ITGB3: variants seen among roughly 807,000 people sequenced by gnomAD.
ITGB3 encodes integrin subunit beta 3, also known as integrin beta-3.
A neutral mutation model predicts 85.8 loss-of-function variants in ITGB3; 48 were observed. The ratio of observed to expected loss-of-function variants is 0.56; its 90% CI spans 0.44 to 0.71. The LOEUF (loss-of-function observed/expected upper bound fraction) is 0.71, where lower values mean the gene tolerates loss of function less well. ITGB3 is among the 30% of genes least tolerant of loss of function. The pLI, the probability that ITGB3 is intolerant of heterozygous loss-of-function variation, is 0.00. For synonymous variants in ITGB3, 363 were observed against 395.6 expected (o/e 0.92, Z 0.98); for missense variants, 861 against 1,019.1 (o/e 0.84, Z 2.11).
At chr17:47,290,925 C>A (rs2143108930) in intron 8 of ITGB3, 29 bp from the exon 9 acceptor site, 1 of 1,613,754 alleles carries the variant, frequency 6.2e-7, no homozygotes, top group Non-Finnish European at 8.5e-7. Context: ...AGTTCAATTT[C>A]TTGTCTTCTT....
intron 14 of ITGB3, among the ~76,000 whole-genome samples, chr17:47,309,744 AAT>A (rs1479619130): frequency 3.3e-5 from 5 of 151,658 alleles, no homozygotes; most frequent in African/African-American, 1.2e-4. Context: ...AAAATGCAAA[AAT>A]TAGCCAGACA....
intron 10 of ITGB3, among the ~76,000 whole-genome samples, chr17:47,293,525 T>G (rs949644382): frequency 1.3e-5 from 2 of 152,192 alleles, no homozygotes; most frequent in Non-Finnish European, 2.9e-5. Context: ...GGGACTGGGT[T>G]ACGGGTGTAT....
intron 9 of ITGB3, chr17:47,291,404 T>A (rs1023397164): frequency 7.2e-6 from 4 of 554,944 alleles, no homozygotes; most frequent in Non-Finnish European, 3.2e-6. Context: ...CTTCAGTCCC[T>A]CACCAGTCGC....
At chr17:47,310,033 C>T (rs1420300325) in intron 14 of ITGB3, 106 bp from the exon 15 acceptor site, 2 of 892,504 alleles carry the variant, frequency 2.2e-6, no homozygotes, top group East Asian at 4.9e-5. Flanking sequence ...ATGATGTATT[C>T]CAGAGAACGG....
At chr17:47,266,965 C>T (rs2065027795) in intron 1 of ITGB3, among the ~76,000 whole-genome samples, 1 of 152,148 alleles carries the variant, frequency 6.6e-6, no homozygotes, top group Non-Finnish European at 1.5e-5. Flanking sequence ...CTCCACGCTC[C>T]CACGACTCCT....
At chr17:47,259,908 GAACAA>G (rs1305774348) in intron 1 of ITGB3, among the ~76,000 whole-genome samples, 1 of 152,074 alleles carries the variant, frequency 6.6e-6, no homozygotes, top group Non-Finnish European at 1.5e-5. Flanking sequence ...TCAAAAAACA[GAACAA>G]AACAAAACAA....
rs756371361 is a variant in ITGB3 at position 47,288,232 on chromosome 17, GAGAGAGAGAA to G, written c.939+1006_939+1015del. The stretch of plus-strand genomic sequence containing the variant: ...AGAGAGAGAGAGAGAGAGAGAGAGA[GAGAGAGAGAA>G]AGAGGGGAAAGAACATAAAAGGCAT... On this transcript the variant is annotated intron_variant, in intron 6 of 14. Transcript: ENST00000559488. Among the ~76,000 whole-genome samples the G allele has an allele frequency of 7.7e-3, 681 of 88,644 alleles. 6 individuals are homozygous for G. Among genetic ancestry groups the G allele is most frequent in the African/African-American group, 0.021 (538 of 25,300 alleles). The allele number at this position is 88,644 out of a possible 152,430, so 58.2% of individuals were successfully genotyped here.
chr17:47,312,164 G>A lies in ITGB3; in HGVS notation c.*1960G>A, dbSNP rs762687226. Reference sequence around the variant, plus strand: ...TTTTCCAACATTTGTTAATAGTTACGTCTCTCCTGATGTAGCACTTAAGCT... The same window carrying A: ...TTTTCCAACATTTGTTAATAGTTACATCTCTCCTGATGTAGCACTTAAGCT... On this transcript the variant is annotated 3_prime_UTR_variant, in exon 15 of 15. Coordinates refer to ENST00000559488, the MANE Select transcript of ITGB3 (RefSeq NM_000212.3). 2.9e-4 allele frequency among the ~76,000 whole-genome samples: 44 copies of A among 152,100 alleles called. No homozygotes were observed. Among genetic ancestry groups the A allele is most frequent in the African/African-American group, 4.1e-4 (17 of 41,404 alleles).
chr17:47,310,796 G>A lies in ITGB3; in HGVS notation c.*592G>A. On this transcript the variant is annotated 3_prime_UTR_variant, in exon 15 of 15. Coordinates refer to ENST00000559488, the MANE Select transcript of ITGB3 (RefSeq NM_000212.3). ...AGTCAGGGAGAGCTGAACTATTAGA[G>A]CTGCCTGTGCCTTTTGCCATCCCCT... 1 of 176,270 alleles carries A rather than the reference G, an allele frequency of 5.7e-6. No homozygotes were observed. Among genetic ancestry groups the A allele is most frequent in the South Asian group, 1.4e-4 (1 of 7,284 alleles). 10.9% of individuals were successfully genotyped at this position (176,270 alleles called of 1,614,324 possible).
intron 2 of ITGB3, among the ~76,000 whole-genome samples, chr17:47,276,858 G>A (rs945797218): frequency 2.6e-5 from 4 of 152,184 alleles, no homozygotes; most frequent in Non-Finnish European, 4.4e-5. Flanking sequence ...GAACTGGCTG[G>A]TCCATTTTTT....
chr17:47,263,124 TTA>T lies in ITGB3; in HGVS notation c.79+9185_79+9186del, dbSNP rs572602913. Among the ~76,000 whole-genome samples, 259 of 152,250 alleles carry T rather than the reference TTA, an allele frequency of 1.7e-3. 2 individuals are homozygous for T. The highest frequency in any genetic ancestry group is 5.9e-3 in the African/African-American group (246 of 41,546). ...GGCCAGAGGAAGGGCAAAGATGGCT[TTA>T]GACGTGAGGTTTCCTGCTGCTTTGC... On this transcript the variant is annotated intron_variant, in intron 1 of 14. Coordinates refer to ENST00000559488, the MANE Select transcript of ITGB3 (RefSeq NM_000212.3).
chr17:47,313,135 G>A lies in ITGB3; in HGVS notation c.*2931G>A, dbSNP rs1302268225. On this transcript the variant is annotated 3_prime_UTR_variant, in exon 15 of 15. Transcript: ENST00000559488. ...ATTACAGGCACCCGCCACCACACCC[G>A]GCTAATTTTTGTATTTTTAGTAGAG... 3.3e-5 allele frequency among the ~76,000 whole-genome samples: 5 copies of A among 151,600 alleles called. No homozygotes were observed. The highest frequency in any genetic ancestry group is 5.9e-5 in the Non-Finnish European group (4 of 67,904).
At chr17:47,306,425 C>T (rs181088684) in intron 13 of ITGB3, among the ~76,000 whole-genome samples, 2 of 152,288 alleles carry the variant, frequency 1.3e-5, no homozygotes, top group East Asian at 3.9e-4. Flanking sequence ...CAGGCATATG[C>T]CACAATGCCT....
chr17:47,258,250 T>C (rs967430281), intron 1 of ITGB3, among the ~76,000 whole-genome samples: 16 of 152,254 alleles, frequency 1.1e-4, no homozygotes, highest in African/African-American at 3.4e-4. Context: ...GGACCTTCAT[T>C]GTGCCTGATG....
rs564310838 is a variant in ITGB3, at chr17:47,290,318, C to A, written c.1125+44C>A. 26 of 1,518,862 alleles carry A rather than the reference C, an allele frequency of 1.7e-5. No individual in the cohort carries two copies. In the South Asian group the frequency reaches 2.8e-4, roughly 16 times the overall value. 94.1% of individuals were successfully genotyped at this position (1,518,862 alleles called of 1,614,324 possible). On this transcript the variant is annotated intron_variant, in intron 8 of 14. Coordinates refer to ENST00000559488, the MANE Select transcript of ITGB3 (RefSeq NM_000212.3). ...GAATAGTCCCGCGGAGAGTCCACCT[C>A]ATTTGGCTTACACAGCAGGGCTCAG...
rs370002541 is a variant in ITGB3, at chr17:47,310,246, G to C, written c.*42G>C. The C allele has an allele frequency of 1.3e-6, 2 of 1,552,654 alleles. No individual in the cohort carries two copies. The highest frequency in any genetic ancestry group is 1.8e-6 in the Non-Finnish European group (2 of 1,124,374). On this transcript the variant is annotated 3_prime_UTR_variant, in exon 15 of 15. Coordinates refer to ENST00000559488, the MANE Select transcript of ITGB3 (RefSeq NM_000212.3). ...TCAGATCATTATCAGCCTGTGCCAC[G>C]ATTGCAGGAGTCCCTGCCATCATGT...
intron 10 of ITGB3, among the ~76,000 whole-genome samples, chr17:47,298,232 C>T (rs149287202): frequency 3.3e-5 from 5 of 152,320 alleles, no homozygotes; most frequent in African/African-American, 4.8e-5. Flanking sequence ...CATCGGGCTA[C>T]GTGAGGTCAT....
intron 1 of ITGB3, among the ~76,000 whole-genome samples, chr17:47,264,356 G>C (rs1308301204): frequency 6.6e-6 from 1 of 152,208 alleles, no homozygotes; most frequent in Non-Finnish European, 1.5e-5. Flanking sequence ...CCATCCATCA[G>C]CAAGTCTTTA....
At chr17:47,260,260 A>G (rs1212228700) in intron 1 of ITGB3, among the ~76,000 whole-genome samples, 3 of 152,168 alleles carry the variant, frequency 2.0e-5, no homozygotes, top group Non-Finnish European at 4.4e-5. Context: ...ACCTTTAGGC[A>G]TCAGTCTCTT....
Sources: allele counts gnomAD v4.1 joint callset (sites outside exome capture counted in the v4.1 genomes callset), GRCh38; gene constraint gnomAD v4.1.1; transcripts MANE v1.5; gene names NCBI Gene and HGNC (gene_info 2026-07-23, HGNC 2026-07-21).